Variants in ASMTL observed in about 807,000 individuals in gnomAD.
The protein encoded by ASMTL is probable bifunctional dTTP/UTP pyrophosphatase/methyltransferase protein.
In ASMTL, 57 loss-of-function variants were observed where a neutral mutation model predicts 60.3. The observed-to-expected ratio is 0.95, with a 90% CI of 0.76 to 1.18. The LOEUF is 1.18. ASMTL is among the 50% of genes most tolerant of loss of function. The pLI is 0.00. For synonymous variants in ASMTL, 419 were observed against 373.0 expected (o/e 1.12, Z -1.42); for missense variants, 981 against 852.6 (o/e 1.15, Z -1.88).
chrX:1,428,743 T>C (rs5989920), intron 6 of ASMTL, among the ~76,000 whole-genome samples: 115,263 of 146,560 alleles, frequency 0.79, 46,005 homozygotes, highest in East Asian at 0.9. Flanking sequence ...ATTATCCCAT[T>C]CAGCATCTCA....
At position 1,442,446 on chromosome X, in the gene ASMTL, C is replaced by T. The variant is rs1463756374; in HGVS notation, c.94-129G>A. ...CCGACCCTGTCCCAGGTGAGCTCATCCATCCGCCAAGCTTTCCCTAAGTGT... is the reference window on the plus strand; with the variant it reads ...CCGACCCTGTCCCAGGTGAGCTCATTCATCCGCCAAGCTTTCCCTAAGTGT... On this transcript the variant is annotated intron_variant, in intron 1 of 12. Coordinates refer to ENST00000381317, the MANE Select transcript of ASMTL (RefSeq NM_004192.4). 4.7e-6 allele frequency: 5 copies of T among 1,063,360 alleles called. No homozygotes were observed. In the Admixed American group the frequency reaches 1.2e-4, roughly 25 times the overall value. 65.9% of individuals were successfully genotyped at this position (1,063,360 alleles called of 1,614,324 possible). A position where few individuals can be genotyped will look rare whatever the true frequency, so the allele number is the denominator to read the frequency against.
chrX:1,426,733 A>T (rs1317204524), intron 7 of ASMTL, among the ~76,000 whole-genome samples: 1 of 152,104 alleles, frequency 6.6e-6, no homozygotes, highest in Non-Finnish European at 1.5e-5. Flanking sequence ...GGCGCCTGTA[A>T]TCAGGAGGCT....
chrX:1,446,746 A>G (rs1278688776), intron 1 of ASMTL, among the ~76,000 whole-genome samples: 2 of 151,952 alleles, frequency 1.3e-5, no homozygotes, highest in Non-Finnish European at 1.5e-5. Flanking sequence ...TGATCCGCCA[A>G]CCTCGGCCTC....
In ASMTL at chrX:1,418,885, C is replaced by A. The variant is rs1314953300; in HGVS notation, c.1378+97G>T. On this transcript the variant is annotated intron_variant, in intron 10 of 12. Transcript: ENST00000381317. ...CGGTTCAGGTCGTTATCAGGTTTGT[C>A]AATGGAAAAAGGCAGTTGGTAGGTG... The A allele has an allele frequency of 4.0e-6, 6 of 1,495,682 alleles. No individual in the cohort carries two copies. In the African/African-American group the frequency reaches 8.2e-5, roughly 21 times the overall value. 92.7% of individuals were successfully genotyped at this position (1,495,682 alleles called of 1,614,324 possible).
At chrX:1,443,912 C>T (rs1483423118) in intron 1 of ASMTL, among the ~76,000 whole-genome samples, 21 of 152,162 alleles carry the variant, frequency 1.4e-4, no homozygotes, top group East Asian at 1.9e-4. Flanking sequence ...GGACACACAC[C>T]GCCATCTTGG....
In ASMTL at chrX:1,421,764, T is replaced by C. The variant is rs2090489755; in HGVS notation, c.1139A>G (p.Asn380Ser). The C allele has an allele frequency of 1.2e-6, 2 of 1,613,904 alleles. No homozygotes were observed. The highest frequency in any genetic ancestry group is 8.5e-7 in the Non-Finnish European group (1 of 1,179,844). The change falls in exon 9 of 13, where the codon AAT (asparagine) becomes AGT (serine). Residue 380 changes from asparagine (N) to serine (S), a missense_variant. Physicochemically the swap from Asn to Ser is conservative, Grantham distance 46 (BLOSUM62 1). Coordinates refer to ENST00000381317, the MANE Select transcript of ASMTL (RefSeq NM_004192.4). ...AAAGAGGTTCCATGTGAGGTCATTA[T>C]TGTGCATGATGAAGCCGTGCAGAGA... Reference protein sequence around the residue: ...EYSLHGFIMHNNDLTWNLFTY... With the variant: ...EYSLHGFIMHSNDLTWNLFTY...
chrX:1,416,776 C>T (rs1183982820), intron 11 of ASMTL, among the ~76,000 whole-genome samples: 11 of 78,166 alleles, frequency 1.4e-4, no homozygotes, highest in East Asian at 1.2e-3. Context: ...CACACACAGA[C>T]GTACACACAA....
At chrX:1,405,201 C>T (rs752575629) in intron 12 of ASMTL, among the ~76,000 whole-genome samples, 69 of 133,684 alleles carry the variant, frequency 5.2e-4, no homozygotes, top group East Asian at 4.7e-3. Flanking sequence ...ATGATGGGTA[C>T]GTAGATAGAT....
intron 1 of ASMTL, among the ~76,000 whole-genome samples, chrX:1,444,455 C>T (rs375802425): frequency 5.3e-5 from 8 of 152,074 alleles, no homozygotes; most frequent in East Asian, 1.9e-4. Context: ...GTGATCCGCC[C>T]GCCTCGGCCT....
intron 12 of ASMTL, among the ~76,000 whole-genome samples, chrX:1,411,247 A>AC (rs1405171025): frequency 3.0e-5 from 4 of 134,920 alleles, no homozygotes; most frequent in Non-Finnish European, 6.5e-5. Context: ...GAGGGAGAGA[A>AC]GAATGGAAGT....
chrX:1,429,550 C>A (rs1309902590), intron 6 of ASMTL, among the ~76,000 whole-genome samples: 4 of 152,008 alleles, frequency 2.6e-5, no homozygotes, highest in South Asian at 2.1e-4. Flanking sequence ...TGGCTCCCAG[C>A]ACTTCGGGAG....
intron 12 of ASMTL, among the ~76,000 whole-genome samples, chrX:1,405,858 G>C (rs1314429519): frequency 2.0e-5 from 3 of 151,808 alleles, no homozygotes; most frequent in Non-Finnish European, 4.4e-5. Flanking sequence ...TAGATGGATG[G>C]ATGGATAGAT....
intron 6 of ASMTL, 25 bp downstream of exon 6, chrX:1,432,244 T>C: frequency 6.4e-7 from 1 of 1,559,294 alleles, no homozygotes. Flanking sequence ...GTGTCCCCCG[T>C]CCCCCCACCG....
intron 1 of ASMTL, among the ~76,000 whole-genome samples, chrX:1,445,190 G>A (rs751253269): frequency 6.6e-6 from 1 of 152,142 alleles, no homozygotes; most frequent in East Asian, 1.9e-4. Flanking sequence ...AGCTAGAAGC[G>A]ATCTTGAGGG....
At chrX:1,442,057 T>A in intron 2 of ASMTL, 129 bp downstream of exon 2, 2 of 1,031,660 alleles carry the variant, frequency 1.9e-6, no homozygotes, top group Admixed American at 4.4e-5. Context: ...AACATAGCAA[T>A]AGCTAAGCTG....
At chrX:1,406,618 AGATGGATGCATGGATGT>A (rs2089856587) in intron 12 of ASMTL, among the ~76,000 whole-genome samples, 1 of 150,206 alleles carries the variant, frequency 6.7e-6, no homozygotes, top group South Asian at 2.1e-4. Flanking sequence ...GTAGGTAGGT[AGATGGATGCATGGATGT>A]GATGGATGGA....
At chrX:1,418,834 C>T in intron 10 of ASMTL, 148 bp downstream of exon 10, 1 of 1,000,552 alleles carries the variant, frequency 1.0e-6, no homozygotes, top group East Asian at 2.6e-5. Context: ...GGAATATCCA[C>T]CCATGATCTG....
chrX:1,426,701 A>C (rs1327638843), intron 7 of ASMTL, among the ~76,000 whole-genome samples: 1 of 152,150 alleles, frequency 6.6e-6, no homozygotes, highest in Non-Finnish European at 1.5e-5. Context: ...AAAAGTACAA[A>C]AATTAGCCGG....
At chrX:1,430,399 G>C (rs113809702) in intron 6 of ASMTL, among the ~76,000 whole-genome samples, 2 of 151,842 alleles carry the variant, frequency 1.3e-5, no homozygotes, top group African/African-American at 4.8e-5. Flanking sequence ...TTCTTCTGCC[G>C]GGCTTATTTC....
Sources: gnomAD v4.1 joint callset for allele counts (sites outside exome capture counted in the v4.1 genomes callset) on GRCh38, gnomAD v4.1.1 for gene constraint, MANE v1.5 for transcripts, NCBI Gene and HGNC (gene_info 2026-07-23, HGNC 2026-07-21) for gene names.